The following MORC2 variants were observed in gnomAD, a reference collection of about 807,000 sequenced individuals.
MORC2 encodes MORC family CW-type zinc finger 2.
A neutral mutation model predicts 136.0 loss-of-function variants in MORC2; 30 were observed. That is an observed-to-expected ratio of 0.22 (90% CI 0.17 to 0.30). The LOEUF (loss-of-function observed/expected upper bound fraction) is 0.30. Among genes scored for constraint, MORC2 ranks in the 10% least tolerant of loss-of-function variants. The probability of loss-of-function intolerance (pLI) is 1.00; values close to 1 mark genes in which losing one functional copy is unlikely to be tolerated. For synonymous variants in MORC2, 439 were observed against 487.0 expected, an observed-to-expected ratio of 0.90 and a Z score of 1.30; for missense variants, 922 against 1,333.1, an observed-to-expected ratio of 0.69 and a Z score of 4.80.
At chr22:30,949,878 G>A (rs1387736463) in intron 4 of MORC2, 36 bp from the exon 5 acceptor site, 1 of 1,598,434 alleles carries the variant, frequency 6.3e-7, no homozygotes, top group African/African-American at 1.3e-5. Flanking sequence ...TGAAAAGTTT[G>A]CATTTCTTTC....
intron 24 of MORC2, among the ~76,000 whole-genome samples, chr22:30,930,244 C>T (rs190173592): frequency 4.6e-5 from 7 of 152,358 alleles, no homozygotes; most frequent in Admixed American, 3.9e-4. Flanking sequence ...CCAGGCTCTA[C>T]TCTGAGTTTG....
intron 16 of MORC2, 53 bp from the exon 17 acceptor site, chr22:30,936,696 C>T: frequency 1.3e-6 from 2 of 1,594,556 alleles, no homozygotes; most frequent in Non-Finnish European, 1.7e-6. Flanking sequence ...CCAAGCTCGG[C>T]AAGGACCTTT....
rs190086526 is a variant in MORC2, at chr22:30,951,863, C to T, written c.158-1418G>A. 4.2e-3 allele frequency among the ~76,000 whole-genome samples: 630 copies of T among 150,974 alleles called. 2 individuals carry two copies. The highest frequency in any genetic ancestry group is 0.012 in the South Asian group (55 of 4,780). ...CTCTGTCGCCCAGGCTGGAGTGCAA[C>T]GGCGTGATCTCGGCTCACTGCAACC... is the stretch of plus-strand genomic sequence containing the variant. On this transcript the variant is annotated intron_variant, in intron 3 of 25. Coordinates refer to ENST00000397641, the MANE Select transcript of MORC2 (RefSeq NM_001303256.3).
chr22:30,939,753 A>G (rs1345242196), intron 11 of MORC2, 47 bp from the exon 12 acceptor site: 2 of 1,558,200 alleles, frequency 1.3e-6, no homozygotes, highest in South Asian at 2.3e-5. Context: ...TCTAGGCCAC[A>G]GCAGGGAATA....
intron 5 of MORC2, among the ~76,000 whole-genome samples, chr22:30,949,149 C>G (rs1266137549): frequency 6.6e-6 from 1 of 152,224 alleles, no homozygotes; most frequent in East Asian, 1.9e-4. Flanking sequence ...AAACCTTTCT[C>G]TTGGGGCTTC....
Position 30,934,635 on chromosome 22 carries a change from T to A in MORC2, c.2193+146A>T. ...TGGCCCCAACAAGTCCGTTCAGCTATCAAGGCTTCCCGTCCTCAGGGGCAG... is the reference window on the plus strand; with the variant it reads ...TGGCCCCAACAAGTCCGTTCAGCTAACAAGGCTTCCCGTCCTCAGGGGCAG... On this transcript the variant is annotated intron_variant, in intron 19 of 25. Coordinates refer to ENST00000397641, the MANE Select transcript of MORC2 (RefSeq NM_001303256.3). This position sits in a 1 kb window ranked among gnomAD's most constrained non-coding sequence, Gnocchi z 4.4. 8.3e-7 allele frequency: 1 copy of A among 1,205,306 alleles called. No individual in the cohort carries two copies. Among genetic ancestry groups the A allele is most frequent in the Non-Finnish European group, 1.2e-6 (1 of 861,442 alleles). 74.7% of individuals were successfully genotyped at this position (1,205,306 alleles called of 1,614,324 possible).
chr22:30,942,040 G>A (rs185418534), intron 7 of MORC2, 38 bp from the exon 8 acceptor site: 37 of 1,609,522 alleles, frequency 2.3e-5, no homozygotes, highest in East Asian at 2.0e-4. Context: ...CAGATCCCCC[G>A]GCCCACCCCC....
intron 1 of MORC2, 163 bp downstream of exon 1, chr22:30,967,659 T>C: frequency 2.1e-6 from 3 of 1,417,548 alleles, no homozygotes; most frequent in Non-Finnish European, 2.8e-6. Context: ...ATTTCACTGA[T>C]CTCAGTTCTT....
At chr22:30,965,296 G>A (rs2041110904) in intron 1 of MORC2, among the ~76,000 whole-genome samples, 1 of 152,220 alleles carries the variant, frequency 6.6e-6, no homozygotes, top group African/African-American at 2.4e-5. Context: ...AAGGAGAAGA[G>A]AGACAAATCT....
chr22:30,963,228 G>A (rs964249444), intron 1 of MORC2: 10 of 728,364 alleles, frequency 1.4e-5, no homozygotes, highest in Admixed American at 1.3e-4. Context: ...CACCCACCTC[G>A]GCCTCCCAAA....
At chr22:30,942,307 G>A (rs778570320) in intron 6 of MORC2, 36 bp from the exon 7 acceptor site, 6 of 1,582,728 alleles carry the variant, frequency 3.8e-6, no homozygotes, top group Non-Finnish European at 3.4e-6. Flanking sequence ...TTTAAGGGAA[G>A]CCCCAGAACA....
In MORC2 at chr22:30,941,603, C is replaced by G; in HGVS notation, c.699-45G>C. ...AGAAGTGCTGTCACCTGCTCCACAA[C>G]AGGCCTGACCAAGGGCACAACATCC... is the stretch of plus-strand genomic sequence containing the variant. On this transcript the variant is annotated intron_variant, in intron 8 of 25. Coordinates refer to ENST00000397641, the MANE Select transcript of MORC2 (RefSeq NM_001303256.3). The surrounding 1 kb of genome is among the most constrained non-coding windows in gnomAD (Gnocchi z 4.6). 1.9e-6 allele frequency: 3 copies of G among 1,594,318 alleles called. No homozygotes were observed. The highest frequency in any genetic ancestry group is 2.6e-6 in the Non-Finnish European group (3 of 1,166,670).
chr22:30,958,910 T>G (rs1305216287), intron 1 of MORC2: 4 of 459,106 alleles, frequency 8.7e-6, no homozygotes, highest in African/African-American at 8.0e-5. Flanking sequence ...ATGATTATTC[T>G]TCCTATTTTG....
chr22:30,942,077 A>C, intron 7 of MORC2, 35 bp downstream of exon 7: 1 of 1,611,602 alleles, frequency 6.2e-7, no homozygotes, highest in East Asian at 2.2e-5. Flanking sequence ...TGGAGCTCCC[A>C]GATTCTAGGG....
At chr22:30,931,842 T>C (rs1394663927) in intron 24 of MORC2, among the ~76,000 whole-genome samples, 2 of 152,238 alleles carry the variant, frequency 1.3e-5, no homozygotes, top group African/African-American at 2.4e-5. Context: ...AGACTCTCTT[T>C]TGCTGCTCAC....
At position 30,938,216 on chromosome 22, in the gene MORC2, AAAAAAACT is replaced by A; in HGVS notation, c.1074-19_1074-12del. The stretch of plus-strand genomic sequence containing the variant: ...GGTTCTTTAAGTGCTCTAAGAAGAC[AAAAAAACT>A]CAAGCAGATCTACACATCGGCACAC... On this transcript the variant is annotated splice_polypyrimidine_tract_variant and intron_variant, in intron 12 of 25. Transcript: ENST00000397641. 1 of 1,426,822 alleles carries A rather than the reference AAAAAAACT, an allele frequency of 7.0e-7. No individual in the cohort carries two copies. Among genetic ancestry groups the A allele is most frequent in the Non-Finnish European group, 9.3e-7 (1 of 1,077,978 alleles). The allele number at this position is 1,426,822 out of a possible 1,614,324, so 88.4% of individuals were successfully genotyped here.
At chr22:30,949,873 A>C in intron 4 of MORC2, 31 bp from the exon 5 acceptor site, 1 of 1,605,608 alleles carries the variant, frequency 6.2e-7, no homozygotes, top group South Asian at 1.1e-5. Flanking sequence ...GAAAGTGAAA[A>C]GTTTGCATTT....
chr22:30,949,583 C>T (rs1180849310), intron 5 of MORC2, among the ~76,000 whole-genome samples, 169 bp downstream of exon 5: 1 of 152,204 alleles, frequency 6.6e-6, no homozygotes, highest in Non-Finnish European at 1.5e-5. Context: ...GTAAATTCAG[C>T]TGGGAACAGC....
chr22:30,928,318 G>GATACA, intron 24 of MORC2, 111 bp from the exon 25 acceptor site: 1 of 1,024,196 alleles, frequency 9.8e-7, no homozygotes, highest in Admixed American at 2.1e-5. Context: ...TGCCTGGTCT[G>GATACA]AAGGAACATC....
Sources: allele counts gnomAD v4.1 joint callset (sites outside exome capture counted in the v4.1 genomes callset), GRCh38; gene constraint gnomAD v4.1.1; non-coding constraint Gnocchi (gnomAD v3.1); transcripts MANE v1.5; gene names NCBI Gene and HGNC (gene_info 2026-07-23, HGNC 2026-07-21).